Variants in DLG2 observed in about 807,000 individuals in gnomAD.
The protein encoded by DLG2 is disks large homolog 2.
A neutral mutation model predicts 132.5 loss-of-function variants in DLG2; 45 were observed. That is an observed-to-expected ratio of 0.34 (90% CI 0.27 to 0.44). The LOEUF is 0.44. DLG2 is among the 20% of genes least tolerant of loss of function. DLG2 has a pLI of 1.00. For synonymous variants in DLG2, 424 were observed against 419.6 expected, an observed-to-expected ratio of 1.01 and a Z score of -0.13; for missense variants, 1,045 against 1,196.9, an observed-to-expected ratio of 0.87 and a Z score of 1.87.
intron 4 of DLG2, among the ~76,000 whole-genome samples, chr11:85,176,162 C>T (rs1846657750): frequency 6.6e-6 from 1 of 152,104 alleles, no homozygotes; most frequent in African/African-American, 2.4e-5. Context: ...CCAACACAAT[C>T]CTACGCAAAA....
chr11:85,240,475 T>TA (rs894986189), intron 4 of DLG2, among the ~76,000 whole-genome samples: 33 of 151,762 alleles, frequency 2.2e-4, no homozygotes, highest in African/African-American at 5.5e-4. Flanking sequence ...TTTTTATATT[T>TA]AAAAAAAATC....
intron 11 of DLG2, among the ~76,000 whole-genome samples, chr11:84,021,029 G>C (rs1421348343): frequency 1.3e-5 from 2 of 151,994 alleles, no homozygotes; most frequent in Non-Finnish European, 2.9e-5. Context: ...ATATAGAAAG[G>C]GTATAGAAAG....
intron 6 of DLG2, among the ~76,000 whole-genome samples, chr11:84,780,615 C>A (rs1004551881): frequency 7.9e-5 from 12 of 152,060 alleles, no homozygotes; most frequent in Non-Finnish European, 1.5e-4. Context: ...ACATCCTTAT[C>A]CACATTTGGT....
At chr11:85,471,157 A>G (rs1338981128) in intron 3 of DLG2, among the ~76,000 whole-genome samples, 1 of 152,222 alleles carries the variant, frequency 6.6e-6, no homozygotes, top group African/African-American at 2.4e-5. Flanking sequence ...TACATGTAGA[A>G]TGACTTAGAC....
At chr11:85,554,924 AG>A (rs1359791705) in intron 3 of DLG2, among the ~76,000 whole-genome samples, 1 of 151,592 alleles carries the variant, frequency 6.6e-6, no homozygotes, top group Non-Finnish European at 1.5e-5. Flanking sequence ...ACAGTGCACA[AG>A]GATCATTTTC....
At chr11:85,220,389 G>A (rs1019318425) in intron 4 of DLG2, among the ~76,000 whole-genome samples, 1 of 152,034 alleles carries the variant, frequency 6.6e-6, no homozygotes, top group Non-Finnish European at 1.5e-5. Context: ...CAAATGCAAA[G>A]GCCCTAGAGT....
intron 14 of DLG2, among the ~76,000 whole-genome samples, chr11:83,950,913 C>T (rs1435891992): frequency 2.0e-5 from 3 of 152,042 alleles, no homozygotes; most frequent in South Asian, 2.1e-4. Context: ...GGTTTATTTG[C>T]CTGCCCCCCC....
chr11:84,530,145 C>G (rs1412550932), intron 7 of DLG2, among the ~76,000 whole-genome samples: 1 of 152,132 alleles, frequency 6.6e-6, no homozygotes, highest in Non-Finnish European at 1.5e-5. Context: ...AAAATCAACT[C>G]AAGATGGATT....
intron 6 of DLG2, among the ~76,000 whole-genome samples, chr11:85,016,812 T>G (rs913867399): frequency 1.3e-5 from 2 of 152,140 alleles, no homozygotes; most frequent in Admixed American, 1.3e-4. Flanking sequence ...ATTGAGGTTA[T>G]TAGGTGTGTT....
At chr11:84,617,055 T>TAC (rs1395197551) in intron 6 of DLG2, among the ~76,000 whole-genome samples, 1 of 151,752 alleles carries the variant, frequency 6.6e-6, no homozygotes, top group Non-Finnish European at 1.5e-5. Context: ...TACATAGGTA[T>TAC]ACACGTGCCA....
intron 3 of DLG2, among the ~76,000 whole-genome samples, chr11:85,314,909 T>C (rs2080549872): frequency 6.6e-6 from 1 of 151,978 alleles, no homozygotes; most frequent in Non-Finnish European, 1.5e-5. Flanking sequence ...TACTTCAGTG[T>C]TGTGTCGTCC....
At chr11:84,253,654 A>G (rs1314868674) in intron 7 of DLG2, among the ~76,000 whole-genome samples, 1 of 152,134 alleles carries the variant, frequency 6.6e-6, no homozygotes, top group East Asian at 1.9e-4. Flanking sequence ...CTGCTTATTA[A>G]GTATGTATTA....
At chr11:84,464,036 A>C (rs1169403321) in intron 7 of DLG2, among the ~76,000 whole-genome samples, 4 of 151,220 alleles carry the variant, frequency 2.6e-5, no homozygotes, top group Non-Finnish European at 5.9e-5. Context: ...ATCTAATTTT[A>C]CTCTAAAATA....
intron 6 of DLG2, among the ~76,000 whole-genome samples, chr11:84,661,157 C>T (rs999053531): frequency 1.3e-5 from 2 of 152,160 alleles, no homozygotes; most frequent in African/African-American, 2.4e-5. Flanking sequence ...AATGCCAAGG[C>T]ATAATGCTTA....
chr11:83,653,546 C>G (rs999726001), intron 18 of DLG2, among the ~76,000 whole-genome samples: 1 of 152,184 alleles, frequency 6.6e-6, no homozygotes, highest in African/African-American at 2.4e-5. Flanking sequence ...ATAACTGTCA[C>G]TGTACATGTC....
chr11:84,137,836 C>T (rs2094667402), intron 9 of DLG2, among the ~76,000 whole-genome samples: 3 of 152,128 alleles, frequency 2.0e-5, no homozygotes, highest in South Asian at 2.1e-4. Context: ...TAGCTGATTT[C>T]ACAGTCAGTG....
intron 14 of DLG2, among the ~76,000 whole-genome samples, chr11:83,952,378 G>A (rs1162447089): frequency 1.3e-5 from 2 of 152,012 alleles, no homozygotes; most frequent in African/African-American, 2.4e-5. Flanking sequence ...TGGAAGGACA[G>A]ACTGGGAATA....
At chr11:85,599,083 C>G (rs1303348274) in intron 2 of DLG2, among the ~76,000 whole-genome samples, 2 of 152,180 alleles carry the variant, frequency 1.3e-5, no homozygotes, top group Non-Finnish European at 2.9e-5. Context: ...GTCAGAGACA[C>G]TGACCTTAAA....
intron 5 of DLG2, among the ~76,000 whole-genome samples, chr11:85,147,830 C>T (rs757816263): frequency 6.6e-6 from 1 of 152,104 alleles, no homozygotes; most frequent in Non-Finnish European, 1.5e-5. Context: ...TGGGTTGCTG[C>T]ACCTATCAAC....
Sources: gnomAD v4.1 joint callset for allele counts (sites outside exome capture counted in the v4.1 genomes callset) on GRCh38, gnomAD v4.1.1 for gene constraint, MANE v1.5 for transcripts, NCBI Gene and HGNC (gene_info 2026-07-23, HGNC 2026-07-21) for gene names.